DGCR2: variants seen among roughly 807,000 people sequenced by gnomAD.
DGCR2 encodes the protein integral membrane protein DGCR2/IDD.
A neutral mutation model predicts 51.6 loss-of-function variants in DGCR2; 24 were observed. That is an observed-to-expected ratio of 0.47 (90% CI 0.34 to 0.65). The LOEUF (loss-of-function observed/expected upper bound fraction) is 0.65, where lower values mean the gene tolerates loss of function less well. Ranked by LOEUF, DGCR2 falls within the 30% of genes least tolerant of loss-of-function variation. The probability of loss-of-function intolerance (pLI) is 0.01; values close to 1 mark genes in which losing one functional copy is unlikely to be tolerated. For missense variants in DGCR2, 765 were observed against 772.1 expected, an observed-to-expected ratio of 0.99 and a Z score of 0.11; for synonymous variants, 340 against 315.4, an observed-to-expected ratio of 1.08 and a Z score of -0.82.
At chr22:19,058,309 C>G (rs1299136304) in intron 5 of DGCR2, among the ~76,000 whole-genome samples, 1 of 152,184 alleles carries the variant, frequency 6.6e-6, no homozygotes, top group Non-Finnish European at 1.5e-5. Context: ...GTGCCCCCTT[C>G]CCAGGGACAT....
At chr22:19,076,609 T>C (rs549825133) in intron 2 of DGCR2, among the ~76,000 whole-genome samples, 94 of 152,304 alleles carry the variant, frequency 6.2e-4, no homozygotes, top group African/African-American at 2.2e-3. Context: ...AGCAAACATC[T>C]AATGGCTGTG....
chr22:19,094,497 A>G (rs552998372), intron 1 of DGCR2, among the ~76,000 whole-genome samples: 86 of 152,214 alleles, frequency 5.6e-4, no homozygotes, highest in Non-Finnish European at 7.3e-4. Context: ...AAAAAGAATG[A>G]CCATACCAAG....
At chr22:19,052,657 T>C (rs761091197) in intron 6 of DGCR2, among the ~76,000 whole-genome samples, 26 of 151,064 alleles carry the variant, frequency 1.7e-4, no homozygotes, top group Non-Finnish European at 3.4e-4. Flanking sequence ...GGCATGCACC[T>C]GTGGTCCCAG....
intron 2 of DGCR2, among the ~76,000 whole-genome samples, chr22:19,088,633 C>T (rs755507174): frequency 6.6e-6 from 1 of 152,144 alleles, no homozygotes; most frequent in African/African-American, 2.4e-5. Flanking sequence ...ACACTTTCCC[C>T]TTAGTGGCTT....
chr22:19,060,304 C>T (rs1436816957), intron 5 of DGCR2, among the ~76,000 whole-genome samples: 1 of 152,204 alleles, frequency 6.6e-6, no homozygotes, highest in Non-Finnish European at 1.5e-5. Context: ...TACAATCCCT[C>T]AGGTACAGCA....
intron 1 of DGCR2, among the ~76,000 whole-genome samples, chr22:19,109,865 G>C (rs2083296271): frequency 6.6e-6 from 1 of 152,184 alleles, no homozygotes; most frequent in African/African-American, 2.4e-5. Context: ...AAAGTCCTAA[G>C]GATAATATTA....
At chr22:19,042,749 G>A (rs1053296287) in intron 7 of DGCR2, among the ~76,000 whole-genome samples, 2 of 152,194 alleles carry the variant, frequency 1.3e-5, no homozygotes, top group African/African-American at 4.8e-5. Context: ...GACTCGGATT[G>A]CCACAACTCC....
intron 1 of DGCR2, among the ~76,000 whole-genome samples, chr22:19,097,716 CCAAA>C (rs939009735): frequency 6.6e-6 from 1 of 152,160 alleles, no homozygotes; most frequent in African/African-American, 2.4e-5. Context: ...CTCCAAAGGC[CCAAA>C]CAGCCTTCCT....
chr22:19,093,467 T>C (rs908337603), intron 1 of DGCR2, among the ~76,000 whole-genome samples: 10 of 152,090 alleles, frequency 6.6e-5, no homozygotes, highest in Non-Finnish European at 1.2e-4. Context: ...GCACCCTTGG[T>C]TTAAGCAAAT....
rs151015897 is a variant in DGCR2, at chr22:19,045,461, C to T, written c.1006+2979G>A. The T allele has an allele frequency of 4.6e-5, 7 of 152,374 alleles. No homozygotes were observed. The East Asian group carries it at 1.3e-3, about 29-fold the overall frequency. The allele number at this position is 152,374 out of a possible 1,614,324, so 9.4% of individuals were successfully genotyped here. ...CTGATCTATGTGTCTGCCCCTTCAT[C>T]GATACCACACTGTTGTGATTACTAT... On this transcript the variant is annotated intron_variant, in intron 7 of 9. Transcript: ENST00000263196.
At chr22:19,085,402 G>A (rs2083003904) in intron 2 of DGCR2, among the ~76,000 whole-genome samples, 1 of 152,172 alleles carries the variant, frequency 6.6e-6, no homozygotes, top group South Asian at 2.1e-4. Context: ...AGAAGCCACT[G>A]CAAAAAGTCA....
At chr22:19,049,241 G>A (rs56152933) in intron 6 of DGCR2, among the ~76,000 whole-genome samples, 7,181 of 152,172 alleles carry the variant, frequency 0.047, 201 homozygotes, top group Middle Eastern at 0.16. Flanking sequence ...GAAGCTGCCA[G>A]TTCTGCTTGG....
At chr22:19,095,737 C>CTTTT (rs144845329) in intron 1 of DGCR2, among the ~76,000 whole-genome samples, 60,687 of 149,404 alleles carry the variant, frequency 0.41, 12,688 homozygotes, top group African/African-American at 0.52. Flanking sequence ...CTCAATAAGG[C>CTTTT]TTTTTTTAAC....
At chr22:19,106,920 T>C (rs960041223) in intron 1 of DGCR2, among the ~76,000 whole-genome samples, 1 of 150,170 alleles carries the variant, frequency 6.7e-6, no homozygotes, top group African/African-American at 2.5e-5. Flanking sequence ...CAGCAGAGCC[T>C]CTGGGGGCTC....
chr22:19,102,379 G>A (rs990878314), intron 1 of DGCR2, among the ~76,000 whole-genome samples: 3 of 152,142 alleles, frequency 2.0e-5, no homozygotes, highest in African/African-American at 7.2e-5. Flanking sequence ...CATGTTCTTA[G>A]CACTGCTGAA....
chr22:19,058,198 G>A (rs2082623989), intron 5 of DGCR2, among the ~76,000 whole-genome samples: 1 of 152,194 alleles, frequency 6.6e-6, no homozygotes, highest in Non-Finnish European at 1.5e-5. Flanking sequence ...CTGTGGGCCT[G>A]TGGACACATG....
intron 7 of DGCR2, chr22:19,047,920 G>A (rs41277590): frequency 0.028 from 4,741 of 167,678 alleles, 118 homozygotes; most frequent in South Asian, 0.069. Flanking sequence ...GGCTGGACGC[G>A]GTGGCTCATG....
At chr22:19,088,729 T>C (rs1414231851) in intron 2 of DGCR2, among the ~76,000 whole-genome samples, 1 of 152,154 alleles carries the variant, frequency 6.6e-6, no homozygotes, top group East Asian at 1.9e-4. Flanking sequence ...GCACAAGTAC[T>C]CACTACACCT....
intron 2 of DGCR2, among the ~76,000 whole-genome samples, chr22:19,084,662 G>A (rs1181412469): frequency 6.7e-6 from 1 of 149,594 alleles, no homozygotes; most frequent in Non-Finnish European, 1.5e-5. Flanking sequence ...CCATCCGGGA[G>A]GGAGGTGGGG....
Sources: allele counts gnomAD v4.1 joint callset (sites outside exome capture counted in the v4.1 genomes callset), GRCh38; gene constraint gnomAD v4.1.1; transcripts MANE v1.5; gene names NCBI Gene and HGNC (gene_info 2026-07-23, HGNC 2026-07-21).